The following PDE4B variants were observed in gnomAD, a reference collection of about 807,000 sequenced individuals.
PDE4B encodes the protein phosphodiesterase 4B.
Under a neutral mutation model 82.2 loss-of-function variants are expected in PDE4B, and 20 were observed. That is an observed-to-expected ratio of 0.24 (90% CI 0.17 to 0.35). The LOEUF is 0.35. Ranked by LOEUF, PDE4B falls within the 10% of genes least tolerant of loss-of-function variation. The pLI, the probability that PDE4B is intolerant of heterozygous loss-of-function variation, is 1.00. For synonymous variants in PDE4B, 320 were observed against 318.9 expected (o/e 1.00, Z -0.04); for missense variants, 655 against 907.2 (o/e 0.72, Z 3.57).
chr1:66,323,102 C>A (rs532861687), intron 7 of PDE4B, among the ~76,000 whole-genome samples: 5 of 152,238 alleles, frequency 3.3e-5, no homozygotes, highest in Admixed American at 3.3e-4. Flanking sequence ...GGCTGGGCCA[C>A]TCCTTTGAAA....
chr1:66,188,489 A>T (rs61798192), intron 3 of PDE4B, among the ~76,000 whole-genome samples: 2 of 151,920 alleles, frequency 1.3e-5, no homozygotes, highest in African/African-American at 2.4e-5. Context: ...TGTAGGTCAC[A>T]CAGGACTTGC....
intron 3 of PDE4B, among the ~76,000 whole-genome samples, chr1:65,940,341 A>G (rs987970010): frequency 1.3e-5 from 2 of 152,214 alleles, no homozygotes; most frequent in Admixed American, 1.3e-4. Context: ...GAAATTGTAG[A>G]GGGAGGGAGC....
At chr1:66,242,163 A>G (rs1652941705) in intron 3 of PDE4B, among the ~76,000 whole-genome samples, 1 of 152,204 alleles carries the variant, frequency 6.6e-6, no homozygotes. Context: ...CACAGATTGT[A>G]AGGTGTAATG....
chr1:66,182,867 C>G (rs1647099492), intron 3 of PDE4B, among the ~76,000 whole-genome samples: 1 of 152,186 alleles, frequency 6.6e-6, no homozygotes, highest in Admixed American at 6.6e-5. Context: ...TTCTCCTTTA[C>G]TGAATTTTAA....
rs149279002 is a variant in PDE4B at position 65,973,875 on chromosome 1, C to T, written c.281+55040C>T. Among the ~76,000 whole-genome samples, 222 of 152,160 alleles carry T rather than the reference C, an allele frequency of 1.5e-3. 1 individual carries two copies. The highest frequency in any genetic ancestry group is 0.014 in the Middle Eastern group (4 of 294). On this transcript the variant is annotated intron_variant, in intron 3 of 16. Coordinates refer to ENST00000341517, the MANE Select transcript of PDE4B (RefSeq NM_002600.4). ...TCACCCAAGCTGGAAAGCAATGGCA[C>T]GATGCCGGCTCACTGTAACGTCCAC...
rs1646512884 is a variant in PDE4B, at chr1:65,866,596, A to G, written c.-70-46649A>G. Among the ~76,000 whole-genome samples the G allele has an allele frequency of 2.0e-5, 3 of 152,330 alleles. No individual in the cohort carries two copies. In the South Asian group the frequency reaches 6.2e-4, roughly 32 times the overall value. Reference sequence around the variant, plus strand: ...AACTAACTGACAAAATATGAATCCTAAAATATTACTAGGTCACGTAAAGCT... The same window carrying G: ...AACTAACTGACAAAATATGAATCCTGAAATATTACTAGGTCACGTAAAGCT... On this transcript the variant is annotated intron_variant, in intron 1 of 16. Coordinates refer to ENST00000341517, the MANE Select transcript of PDE4B (RefSeq NM_002600.4).
At chr1:66,222,259 T>C (rs987291304) in intron 3 of PDE4B, among the ~76,000 whole-genome samples, 1 of 152,220 alleles carries the variant, frequency 6.6e-6, no homozygotes, top group Non-Finnish European at 1.5e-5. Flanking sequence ...TCCCAACAAC[T>C]TCTGCTTATA....
chr1:66,231,032 T>TAAAA (rs11285418), intron 3 of PDE4B, among the ~76,000 whole-genome samples: 2 of 106,922 alleles, frequency 1.9e-5, no homozygotes, highest in East Asian at 2.5e-4. Context: ...AGAATCTGTC[T>TAAAA]AAAAAAAAAA....
intron 7 of PDE4B, among the ~76,000 whole-genome samples, chr1:66,310,468 G>A (rs1020280385): frequency 6.6e-6 from 1 of 152,066 alleles, no homozygotes; most frequent in African/African-American, 2.4e-5. Context: ...GAATCCCTTG[G>A]ACAATGCTTT....
chr1:66,177,570 A>G (rs918422033), intron 3 of PDE4B, among the ~76,000 whole-genome samples: 5 of 152,230 alleles, frequency 3.3e-5, no homozygotes, highest in African/African-American at 9.6e-5. Flanking sequence ...ATCACTCTGT[A>G]AACTTTATTC....
At chr1:66,192,785 T>C (rs1168691075) in intron 3 of PDE4B, among the ~76,000 whole-genome samples, 2 of 152,124 alleles carry the variant, frequency 1.3e-5, no homozygotes, top group African/African-American at 4.8e-5. Context: ...TTGAGACATA[T>C]GGCAATTAAT....
intron 1 of PDE4B, among the ~76,000 whole-genome samples, chr1:65,862,534 G>C (rs1646465832): frequency 6.6e-6 from 1 of 152,148 alleles, no homozygotes; most frequent in Non-Finnish European, 1.5e-5. Context: ...TTTCTGCCAG[G>C]TTTTGTTATC....
chr1:66,129,593 G>A (rs1261720746), intron 3 of PDE4B, among the ~76,000 whole-genome samples: 6 of 148,648 alleles, frequency 4.0e-5, no homozygotes, highest in African/African-American at 1.2e-4. Context: ...CCGGGAGGCG[G>A]AGCTTGCAGT....
chr1:66,276,991 T>C (rs915571554), intron 7 of PDE4B, among the ~76,000 whole-genome samples: 1 of 152,222 alleles, frequency 6.6e-6, no homozygotes, highest in African/African-American at 2.4e-5. Flanking sequence ...ATCATTAGTT[T>C]TATCACTATT....
At chr1:66,367,634 T>C in intron 13 of PDE4B, 62 bp from the exon 14 acceptor site, 2 of 1,374,720 alleles carry the variant, frequency 1.5e-6, no homozygotes, top group South Asian at 2.6e-5. Context: ...CACTTTGAGA[T>C]AATGCCAACA....
Position 65,967,712 on chromosome 1 carries a change from C to G in PDE4B, c.281+48877C>G, listed in dbSNP as rs141867886. ...CCATAAAAAAGGATGAGTTCATGTC[C>G]TTTGCAGGTACATGGATGAAGCTGG... On this transcript the variant is annotated intron_variant, in intron 3 of 16. Coordinates refer to ENST00000341517, the MANE Select transcript of PDE4B (RefSeq NM_002600.4). Among the ~76,000 whole-genome samples, 457 of 152,230 alleles carry G rather than the reference C, an allele frequency of 3.0e-3. 3 individuals are homozygous for G. Among genetic ancestry groups the G allele is most frequent in the African/African-American group, 0.01 (430 of 41,538 alleles).
intron 3 of PDE4B, among the ~76,000 whole-genome samples, chr1:66,006,189 T>C (rs1474397619): frequency 6.6e-6 from 1 of 152,202 alleles, no homozygotes; most frequent in African/African-American, 2.4e-5. Context: ...AGATAATTGT[T>C]TTGGGTTTCT....
At chr1:65,955,857 C>G (rs1649231983) in intron 3 of PDE4B, among the ~76,000 whole-genome samples, 1 of 152,090 alleles carries the variant, frequency 6.6e-6, no homozygotes, top group Non-Finnish European at 1.5e-5. Flanking sequence ...TTCTGCATTT[C>G]TGAGGCCTAA....
At chr1:66,204,188 G>A (rs935831394) in intron 3 of PDE4B, among the ~76,000 whole-genome samples, 1 of 152,214 alleles carries the variant, frequency 6.6e-6, no homozygotes, top group Non-Finnish European at 1.5e-5. Flanking sequence ...AAATGCTGCT[G>A]CCTGATGGGT....
Sources: gnomAD v4.1 joint callset for allele counts (sites outside exome capture counted in the v4.1 genomes callset) on GRCh38, gnomAD v4.1.1 for gene constraint, MANE v1.5 for transcripts, NCBI Gene and HGNC (gene_info 2026-07-23, HGNC 2026-07-21) for gene names.